The following PCDHA3 variants were observed in gnomAD, a reference collection of about 807,000 sequenced individuals.
PCDHA3 encodes the protein protocadherin alpha-3.
A neutral mutation model predicts 62.2 loss-of-function variants in PCDHA3; 41 were observed. The ratio of observed to expected loss-of-function variants is 0.66; its 90% confidence interval spans 0.51 to 0.86. The LOEUF is 0.86. Ranked by LOEUF, PCDHA3 falls within the 40% of genes least tolerant of loss-of-function variation. The pLI, the probability that PCDHA3 is intolerant of heterozygous loss-of-function variation, is 0.00. For missense variants in PCDHA3, 1,304 were observed against 1,241.2 expected (o/e 1.05, Z -0.76); for synonymous variants, 640 against 555.4 (o/e 1.15, Z -2.14).
In PCDHA3 at chr5:140,850,723, G is replaced by A; in HGVS notation, c.2394+47132G>A. ...GGCAAGCCGACGCTGGTGTGTTCTA[G>A]CGCGGTGGGGAGTTGGTCGTACTCG... On this transcript the variant is annotated intron_variant, in intron 1 of 3. Coordinates refer to ENST00000522353, the MANE Select transcript of PCDHA3 (RefSeq NM_018906.3). 17 of 1,598,038 alleles carry A rather than the reference G, an allele frequency of 1.1e-5. 1 individual carries two copies. The highest frequency in any genetic ancestry group is 1.5e-5 in the Non-Finnish European group (17 of 1,167,660).
intron 1 of PCDHA3, among the ~76,000 whole-genome samples, chr5:140,970,781 G>A (rs2096433448): frequency 6.6e-6 from 1 of 152,042 alleles, no homozygotes; most frequent in Admixed American, 6.6e-5. Context: ...CATACATATT[G>A]TATGTAATAT....
chr5:140,848,527 G>A (rs1379026024), intron 1 of PCDHA3: 2 of 1,594,382 alleles, frequency 1.3e-6, no homozygotes, highest in Admixed American at 1.7e-5. Context: ...GATCCAGAGG[G>A]TCAGCCTCTA....
intron 1 of PCDHA3, among the ~76,000 whole-genome samples, chr5:140,893,569 A>G (rs750933580): frequency 3.3e-5 from 5 of 152,120 alleles, no homozygotes; most frequent in Non-Finnish European, 7.4e-5. Flanking sequence ...GTACTTCCTC[A>G]GTTTTTGCTT....
At chr5:140,989,894 T>C (rs907697062) in intron 3 of PCDHA3, among the ~76,000 whole-genome samples, 7 of 151,812 alleles carry the variant, frequency 4.6e-5, no homozygotes, top group Admixed American at 3.3e-4. Context: ...GTCTCCGTTA[T>C]TCACAATCAG....
At chr5:140,813,158 C>T (rs1765237806) in intron 1 of PCDHA3, 1 of 152,146 alleles carries the variant, frequency 6.6e-6, no homozygotes, top group Non-Finnish European at 1.5e-5. Flanking sequence ...AGTTCCATTT[C>T]AGCTATAGTG....
intron 1 of PCDHA3, chr5:140,822,257 T>C (rs2150114908): frequency 4.3e-6 from 7 of 1,614,128 alleles, no homozygotes; most frequent in Non-Finnish European, 1.7e-6. Context: ...GATTTGGATA[T>C]TGGAGCAAAT....
chr5:140,905,248 C>A (rs143714633), intron 1 of PCDHA3, among the ~76,000 whole-genome samples: 43 of 152,208 alleles, frequency 2.8e-4, no homozygotes, highest in African/African-American at 8.7e-4. Context: ...TTCATTCTTC[C>A]ACATGAGGCT....
chr5:140,843,369 C>T lies in PCDHA3; in HGVS notation c.2394+39778C>T, dbSNP rs2150358449. 7 of 1,595,922 alleles carry T rather than the reference C, an allele frequency of 4.4e-6. No individual in the cohort carries two copies. Among genetic ancestry groups the T allele is most frequent in the African/African-American group, 1.3e-5 (1 of 74,440 alleles). ...GCTCCAAAAGCGTCATCGAGGCAGT[C>T]GGCTGGCGTTTTGGGTCCGGAAGCG... On this transcript the variant is annotated intron_variant, in intron 1 of 3. Transcript: ENST00000522353.
chr5:140,882,352 T>A, intron 1 of PCDHA3: 1 of 1,614,166 alleles, frequency 6.2e-7, no homozygotes, highest in Non-Finnish European at 8.5e-7. Context: ...AGACGGGTAG[T>A]GGCCAGCTCC....
intron 1 of PCDHA3, among the ~76,000 whole-genome samples, chr5:140,846,775 G>A (rs1476675003): frequency 6.7e-6 from 1 of 149,304 alleles, no homozygotes; most frequent in East Asian, 1.9e-4. Context: ...ATCATGTCAG[G>A]AATTATTACT....
intron 1 of PCDHA3, among the ~76,000 whole-genome samples, chr5:140,889,953 A>G (rs2062443064): frequency 6.6e-6 from 1 of 152,214 alleles, no homozygotes; most frequent in Non-Finnish European, 1.5e-5. Context: ...AGCCAAATGG[A>G]TAGAAAAATT....
Position 140,929,272 on chromosome 5 carries a change from T to G in PCDHA3, c.2395-49677T>G, listed in dbSNP as rs560527071. Reference sequence around the variant, plus strand: ...TGGGGTAGGACTGAATTTGCCAATATCCTGTATTCAGATTCGGAATAGGAA... The same window carrying G: ...TGGGGTAGGACTGAATTTGCCAATAGCCTGTATTCAGATTCGGAATAGGAA... On this transcript the variant is annotated intron_variant, in intron 1 of 3. Transcript: ENST00000522353. The G allele has an allele frequency of 1.3e-4, 206 of 1,607,152 alleles. 1 individual carries two copies. The South Asian group carries it at 2.1e-3, about 17-fold the overall frequency.
intron 1 of PCDHA3, chr5:140,883,585 C>G: frequency 6.2e-7 from 1 of 1,614,028 alleles, no homozygotes; most frequent in Non-Finnish European, 8.5e-7. Flanking sequence ...GGGCCACGGC[C>G]AGCGTGTCGG....
At chr5:140,828,569 G>C in intron 1 of PCDHA3, 1 of 1,614,252 alleles carries the variant, frequency 6.2e-7, no homozygotes, top group Non-Finnish European at 8.5e-7. Flanking sequence ...CGCGTCCGAT[G>C]CAGATGTTGG....
intron 1 of PCDHA3, chr5:140,824,139 A>G (rs1363809493): frequency 8.1e-6 from 13 of 1,612,128 alleles, no homozygotes; most frequent in Non-Finnish European, 1.0e-5. Context: ...TGAGTTTTCT[A>G]ATATTAACAT....
At chr5:140,988,007 A>G (rs2097277966) in intron 3 of PCDHA3, among the ~76,000 whole-genome samples, 1 of 152,230 alleles carries the variant, frequency 6.6e-6, no homozygotes, top group Non-Finnish European at 1.5e-5. Context: ...TTCCCCAGAA[A>G]GAAAGCATGA....
At chr5:140,870,164 T>A in intron 1 of PCDHA3, 1 of 1,614,174 alleles carries the variant, frequency 6.2e-7, no homozygotes, top group African/African-American at 1.3e-5. Context: ...GTGACTTCCT[T>A]GTCCCTCCCA....
chr5:140,966,740 C>T lies in PCDHA3; in HGVS notation c.2395-12209C>T, dbSNP rs782420339. 10 of 1,422,580 alleles carry T rather than the reference C, an allele frequency of 7.0e-6. No individual in the cohort carries two copies. In the Admixed American group the frequency reaches 8.4e-5, roughly 12 times the overall value. 88.1% of individuals were successfully genotyped at this position (1,422,580 alleles called of 1,614,324 possible). ...GGAAGCTGCCGCCTCCGGCCCTGCC[C>T]GGCTGCCTCCGCCGCGGCCAGTGGC... On this transcript the variant is annotated intron_variant, in intron 1 of 3. Transcript: ENST00000522353.
chr5:140,818,014 A>G (rs1453170994), intron 1 of PCDHA3, among the ~76,000 whole-genome samples: 1 of 152,160 alleles, frequency 6.6e-6, no homozygotes, highest in Non-Finnish European at 1.5e-5. Context: ...CACTTTTAAC[A>G]GCTTTACTAT....
Sources: gnomAD v4.1 joint callset for allele counts (sites outside exome capture counted in the v4.1 genomes callset) on GRCh38, gnomAD v4.1.1 for gene constraint, MANE v1.5 for transcripts, NCBI Gene and HGNC (gene_info 2026-07-23, HGNC 2026-07-21) for gene names.